The following USP3 variants were observed in gnomAD, a reference collection of about 807,000 sequenced individuals.
USP3 encodes the protein ubiquitin carboxyl-terminal hydrolase 3.
USP3 carries 20 observed loss-of-function variants against 72.3 expected under a neutral mutation model. The ratio of observed to expected loss-of-function variants is 0.28; its 90% CI spans 0.19 to 0.40. USP3 has a LOEUF of 0.40. USP3 is among the 10% of genes least tolerant of loss of function. The probability of loss-of-function intolerance (pLI) is 1.00; values close to 1 mark genes in which losing one functional copy is unlikely to be tolerated. For synonymous variants in USP3, 222 were observed against 225.3 expected (o/e 0.99, Z 0.13); for missense variants, 479 against 633.9 (o/e 0.76, Z 2.62).
intron 2 of USP3, chr15:63,533,800 T>C (rs1262257912): frequency 8.3e-7 from 1 of 1,210,716 alleles, no homozygotes; most frequent in South Asian, 1.4e-5. Flanking sequence ...TTGAAATCTC[T>C]AGGATTTGGG....
intron 1 of USP3, among the ~76,000 whole-genome samples, chr15:63,527,057 C>G (rs2065993352): frequency 6.6e-6 from 1 of 152,122 alleles, no homozygotes; most frequent in Non-Finnish European, 1.5e-5. Context: ...ACCATGCCCG[C>G]CTAATCTTTT....
At chr15:63,571,138 G>A (rs1482405094) in intron 9 of USP3, among the ~76,000 whole-genome samples, 1 of 152,172 alleles carries the variant, frequency 6.6e-6, no homozygotes, top group Non-Finnish European at 1.5e-5. Flanking sequence ...TATACACTGA[G>A]ATCAGGACAC....
intron 11 of USP3, among the ~76,000 whole-genome samples, chr15:63,578,632 G>GAA (rs1016704854): frequency 2.9e-5 from 4 of 138,868 alleles, no homozygotes; most frequent in Non-Finnish European, 6.3e-5. Flanking sequence ...AAAAAAAGAA[G>GAA]AAAAAAAAAA....
chr15:63,512,416 T>C (rs562951415), intron 1 of USP3, among the ~76,000 whole-genome samples: 2 of 150,036 alleles, frequency 1.3e-5, no homozygotes, highest in African/African-American at 2.4e-5. Context: ...TTCTTTCTTC[T>C]TTCTTTTTCT....
At chr15:63,571,567 A>G (rs2152678206) in intron 9 of USP3, among the ~76,000 whole-genome samples, 1 of 152,354 alleles carries the variant, frequency 6.6e-6, no homozygotes, top group East Asian at 1.9e-4. Context: ...CAAATTAAAA[A>G]GTATTAAATG....
At chr15:63,565,544 C>T (rs2066675997) in intron 8 of USP3, among the ~76,000 whole-genome samples, 1 of 152,166 alleles carries the variant, frequency 6.6e-6, no homozygotes, top group Admixed American at 6.5e-5. Context: ...ATTCTGTTCC[C>T]TAGCCATTCA....
Position 63,504,841 on chromosome 15 carries a change from C to T in USP3, c.91+11C>T. 6.3e-7 allele frequency: 1 copy of T among 1,595,794 alleles called. No individual in the cohort carries two copies. The highest frequency in any genetic ancestry group is 2.3e-5 in the East Asian group (1 of 43,342). On this transcript the variant is annotated intron_variant, in intron 1 of 14. Coordinates refer to ENST00000380324, the MANE Select transcript of USP3 (RefSeq NM_006537.4). ...CCTGGTGCTGCAGCGGTGAGTGCGG[C>T]CACGGGCCGGCCCCGCAGCGCACCC...
chr15:63,560,693 G>T lies in USP3; in HGVS notation c.647+723G>T, dbSNP rs137994734. ...GTCAATTTTTGGTTGATACGGAGAG[G>T]GGGGGAAGAAAACGGACAAGTGCTC... On this transcript the variant is annotated intron_variant, in intron 7 of 14. Transcript: ENST00000380324. 7.1e-3 allele frequency among the ~76,000 whole-genome samples: 1,086 copies of T among 152,026 alleles called. 15 individuals are homozygous for T. The highest frequency in any genetic ancestry group is 0.025 in the African/African-American group (1,040 of 41,448).
chr15:63,528,886 T>C lies in USP3; in HGVS notation c.92-3761T>C, dbSNP rs2066024164. On this transcript the variant is annotated intron_variant, in intron 1 of 14. Transcript: ENST00000380324. This position sits in a 1 kb window ranked among gnomAD's most constrained non-coding sequence, Gnocchi z 4.3. ...AGTGTTTTTCAGTCTATTTTATATT[T>C]GTCCTGGGTACATTAAAGGTTCTTA... 1.9e-6 allele frequency: 1 copy of C among 522,548 alleles called. No individual in the cohort carries two copies. Among genetic ancestry groups the C allele is most frequent in the Non-Finnish European group, 2.9e-6 (1 of 349,428 alleles). The allele number at this position is 522,548 out of a possible 1,614,324, so 32.4% of individuals were successfully genotyped here. A position where few individuals can be genotyped will look rare whatever the true frequency, so the allele number is the denominator to read the frequency against.
chr15:63,507,193 G>C (rs1052030717), intron 1 of USP3, among the ~76,000 whole-genome samples: 2 of 152,038 alleles, frequency 1.3e-5, no homozygotes, highest in African/African-American at 4.8e-5. Flanking sequence ...TTATTAAGGA[G>C]GGGAAAATCC....
At position 63,512,446 on chromosome 15, in the gene USP3, TTTCTTTC is replaced by T. The variant is rs899754527; in HGVS notation, c.91+7629_91+7635del. On this transcript the variant is annotated intron_variant, in intron 1 of 14. Transcript: ENST00000380324. ...TTTTCTTTCTTCTTTCTTCCTTCTT[TTTCTTTC>T]TTCTTTCTTCTTCTTCGGAATCTCA... Among the ~76,000 whole-genome samples the T allele has an allele frequency of 1.4e-4, 22 of 151,936 alleles. No homozygotes were observed. The South Asian group carries it at 3.7e-3, about 26-fold the overall frequency.
intron 11 of USP3, among the ~76,000 whole-genome samples, chr15:63,577,739 A>G (rs2066887005): frequency 1.3e-5 from 2 of 151,974 alleles, no homozygotes; most frequent in Non-Finnish European, 1.5e-5. Context: ...TGACAGAGCG[A>G]GACTCCGTCT....
chr15:63,540,521 A>T (rs367856827), intron 3 of USP3, among the ~76,000 whole-genome samples: 1 of 152,170 alleles, frequency 6.6e-6, no homozygotes, highest in Non-Finnish European at 1.5e-5. Flanking sequence ...GATCTATAAT[A>T]CTGTGTCCCC....
chr15:63,575,161 T>C lies in USP3; in HGVS notation c.1096+758T>C, dbSNP rs1253037791. Among the ~76,000 whole-genome samples, 5 of 133,622 alleles carry C rather than the reference T, an allele frequency of 3.7e-5. No homozygotes were observed. In the South Asian group the frequency reaches 1.1e-3, roughly 29 times the overall value. 87.7% of individuals were successfully genotyped at this position (133,622 alleles called of 152,430 possible). A position where few individuals can be genotyped will look rare whatever the true frequency, so the allele number is the denominator to read the frequency against. On this transcript the variant is annotated intron_variant, in intron 11 of 14. Coordinates refer to ENST00000380324, the MANE Select transcript of USP3 (RefSeq NM_006537.4). ...TTTAGGGAGTATTGTCATGATGGTT[T>C]TTTTTTTTTTTTTTTTTTACAAAAC...
At chr15:63,536,064 C>G (rs564442468) in intron 2 of USP3, among the ~76,000 whole-genome samples, 1 of 152,198 alleles carries the variant, frequency 6.6e-6, no homozygotes, top group African/African-American at 2.4e-5. Flanking sequence ...GCATATGGAG[C>G]CTTATTTCAG....
chr15:63,526,201 G>T (rs545196644), intron 1 of USP3, among the ~76,000 whole-genome samples: 1 of 152,046 alleles, frequency 6.6e-6, no homozygotes, highest in Non-Finnish European at 1.5e-5. Flanking sequence ...TTATATGCCG[G>T]TATGTAGTAC....
intron 4 of USP3, among the ~76,000 whole-genome samples, chr15:63,555,294 G>A (rs955154533): frequency 6.6e-6 from 1 of 152,144 alleles, no homozygotes; most frequent in Non-Finnish European, 1.5e-5. Flanking sequence ...TAGAAACTAC[G>A]ATCATATTTG....
At chr15:63,589,780 C>CT in intron 14 of USP3, among the ~76,000 whole-genome samples, 1 of 149,290 alleles carries the variant, frequency 6.7e-6, no homozygotes, top group Middle Eastern at 3.4e-3. Context: ...CTTAAATACT[C>CT]TAATGATTTC....
At chr15:63,522,184 C>G in intron 1 of USP3, among the ~76,000 whole-genome samples, 1 of 152,268 alleles carries the variant, frequency 6.6e-6, no homozygotes, top group East Asian at 1.9e-4. Context: ...TCCTCTCAGG[C>G]GATTAATGAC....
Sources: allele counts gnomAD v4.1 joint callset (sites outside exome capture counted in the v4.1 genomes callset), GRCh38; gene constraint gnomAD v4.1.1; non-coding constraint Gnocchi (gnomAD v3.1); transcripts MANE v1.5; gene names NCBI Gene and HGNC (gene_info 2026-07-23, HGNC 2026-07-21).